The following PITPNM2 variants were observed in gnomAD, a reference collection of about 807,000 sequenced individuals.
PITPNM2 encodes phosphatidylinositol transfer protein membrane associated 2.
In PITPNM2, 35 loss-of-function variants were observed where a neutral mutation model predicts 132.2. The ratio of observed to expected loss-of-function variants is 0.26; its 90% CI spans 0.20 to 0.35. The LOEUF is 0.35. Among genes scored for constraint, PITPNM2 ranks in the 10% least tolerant of loss-of-function variants. The pLI is 1.00. For synonymous variants in PITPNM2, 738 were observed against 799.2 expected, an observed-to-expected ratio of 0.92 and a Z score of 1.29; for missense variants, 1,332 against 1,912.0, an observed-to-expected ratio of 0.70 and a Z score of 5.66.
chr12:123,017,096 C>CA (rs1037007066), intron 3 of PITPNM2, among the ~76,000 whole-genome samples: 3 of 147,812 alleles, frequency 2.0e-5, no homozygotes, highest in African/African-American at 7.5e-5. Context: ...GCAGGGCAGG[C>CA]ATGGTGGCTC....
At chr12:123,124,466 T>C (rs2043097586) in intron 1 of PITPNM2, among the ~76,000 whole-genome samples, 1 of 152,044 alleles carries the variant, frequency 6.6e-6, no homozygotes, top group Non-Finnish European at 1.5e-5. Flanking sequence ...TACATTAATA[T>C]ATACAGAGAA....
At chr12:122,987,929 A>C in intron 20 of PITPNM2, 28 bp from the exon 21 acceptor site, 5 of 1,578,266 alleles carry the variant, frequency 3.2e-6, no homozygotes, top group African/African-American at 1.3e-5. Flanking sequence ...AGCCCAGGTC[A>C]GGGGGTCGGA....
rs148042564 is a variant in PITPNM2, at chr12:123,040,055, G to A, written c.-95-5370C>T. Among the ~76,000 whole-genome samples, 690 of 152,186 alleles carry A rather than the reference G, an allele frequency of 4.5e-3. 2 individuals carry two copies. The highest frequency in any genetic ancestry group is 0.015 in the African/African-American group (615 of 41,496). Reference sequence around the variant, plus strand: ...TGAGGTGGGAGGATCCCTTGAGCCCGGGAGGTGGAGGTTGCAGTGAGCCAA... The same window carrying A: ...TGAGGTGGGAGGATCCCTTGAGCCCAGGAGGTGGAGGTTGCAGTGAGCCAA... On this transcript the variant is annotated intron_variant, in intron 2 of 25. Transcript: ENST00000320201.
intron 3 of PITPNM2, among the ~76,000 whole-genome samples, chr12:123,032,766 G>A (rs192605572): frequency 6.6e-6 from 1 of 152,190 alleles, no homozygotes; most frequent in African/African-American, 2.4e-5. Context: ...TCAGAGATGG[G>A]GGGCTGATTT....
rs1038953470 is a variant in PITPNM2 at position 123,111,862 on chromosome 12, C to T, written c.-199-1374G>A. 6.6e-6 allele frequency among the ~76,000 whole-genome samples: 1 copy of T among 152,244 alleles called. No individual in the cohort carries two copies. Among genetic ancestry groups the T allele is most frequent in the African/African-American group, 2.4e-5 (1 of 41,462 alleles). On this transcript the variant is annotated intron_variant, in intron 1 of 25. Transcript: ENST00000320201. The surrounding 1 kb of genome is among the most constrained non-coding windows in gnomAD (Gnocchi z 4.1). ...GGCCTTCCAGCCTTGCCTCTACATG[C>T]CACCGTAGGCCACAGTTGAGGCCAG... is the stretch of plus-strand genomic sequence containing the variant.
chr12:123,079,756 T>G (rs945231019), intron 2 of PITPNM2, among the ~76,000 whole-genome samples: 7 of 152,202 alleles, frequency 4.6e-5, no homozygotes, highest in African/African-American at 1.7e-4. Flanking sequence ...TTCTTCTCAC[T>G]TTTTTTATTG....
At chr12:123,056,092 T>C (rs1468421056) in intron 2 of PITPNM2, among the ~76,000 whole-genome samples, 3 of 152,186 alleles carry the variant, frequency 2.0e-5, no homozygotes, top group Admixed American at 6.5e-5. Context: ...CCAAGCCCAG[T>C]TGGGCTTCCT....
At chr12:123,054,022 C>A (rs1425978066) in intron 2 of PITPNM2, among the ~76,000 whole-genome samples, 2 of 152,148 alleles carry the variant, frequency 1.3e-5, no homozygotes, top group East Asian at 3.8e-4. Flanking sequence ...TAATAAAACA[C>A]CTATCCTGGA....
intron 3 of PITPNM2, among the ~76,000 whole-genome samples, chr12:123,032,651 G>A (rs897158847): frequency 6.6e-6 from 1 of 152,170 alleles, no homozygotes; most frequent in Non-Finnish European, 1.5e-5. Flanking sequence ...GGCTCCTGTG[G>A]TCTGGGTTCA....
chr12:123,028,119 C>A (rs943379570), intron 3 of PITPNM2, among the ~76,000 whole-genome samples: 1 of 152,174 alleles, frequency 6.6e-6, no homozygotes, highest in Non-Finnish European at 1.5e-5. Context: ...ACCAAGAAAC[C>A]CCTGAAAGCA....
chr12:122,996,786 G>C lies in PITPNM2; in HGVS notation c.1597C>G (p.Gln533Glu). 2 of 1,610,630 alleles carry C rather than the reference G, an allele frequency of 1.2e-6. No individual in the cohort carries two copies. Among genetic ancestry groups the C allele is most frequent in the Non-Finnish European group, 1.7e-6 (2 of 1,179,156 alleles). Reference protein sequence around the residue: ...QYQEAVATVIQRANLAYGDFI... With the variant: ...QYQEAVATVIERANLAYGDFI... ...TCCCCATAGGCAAGGTTGGCTCGCT[G>C]AATCACTGTGGCAACTGCCTCCTGG... Residue 533 changes from glutamine to glutamate, a missense_variant, in exon 12 of 26, where the codon CAG (glutamine) becomes GAG (glutamate). By Grantham distance (29) the Gln-to-Glu change is conservative (BLOSUM62 2). Around this residue, in one of 6 missense-constraint regions of PITPNM2, gnomAD observed 710 missense variants for 911.5 expected, o/e 0.78. Transcript: ENST00000320201.
chr12:123,124,518 A>G (rs1164881967), intron 1 of PITPNM2, among the ~76,000 whole-genome samples: 1 of 152,176 alleles, frequency 6.6e-6, no homozygotes, highest in Non-Finnish European at 1.5e-5. Context: ...AGCAACCATC[A>G]CTGTCTCTGG....
Position 122,984,417 on chromosome 12 carries a change from T to A in PITPNM2, c.*1610A>T, listed in dbSNP as rs2037852013. The stretch of plus-strand genomic sequence containing the variant: ...AGATATTGCACTTTCACTGCAACAG[T>A]TACATGAAAACTTGGTCCATAAAAT... On this transcript the variant is annotated 3_prime_UTR_variant, in exon 26 of 26. Transcript: ENST00000320201. 6.6e-6 allele frequency: 1 copy of A among 152,644 alleles called. No homozygotes were observed. The highest frequency in any genetic ancestry group is 2.4e-5 in the African/African-American group (1 of 41,462). 9.5% of individuals were successfully genotyped at this position (152,644 alleles called of 1,614,324 possible). A position where few individuals can be genotyped will look rare whatever the true frequency, so the allele number is the denominator to read the frequency against.
intron 2 of PITPNM2, among the ~76,000 whole-genome samples, chr12:123,074,336 G>C (rs1039140065): frequency 2.0e-5 from 3 of 152,128 alleles, no homozygotes; most frequent in African/African-American, 7.2e-5. Flanking sequence ...GCAGAAAATG[G>C]GAGAAGCAGA....
intron 3 of PITPNM2, chr12:123,034,217 T>C (rs1052465501): frequency 1.1e-5 from 4 of 363,600 alleles, no homozygotes; most frequent in South Asian, 8.7e-5. Flanking sequence ...TAGGAAAACA[T>C]AGGGATAACG....
Position 123,004,585 on chromosome 12 carries a change from C to T in PITPNM2, c.953-96G>A, listed in dbSNP as rs774584498. The stretch of plus-strand genomic sequence containing the variant: ...GAGGCAGGGAGGGCCACCCACAGGC[C>T]TGACAGGCATCACAGAGGCTGCCAC... On this transcript the variant is annotated intron_variant, in intron 7 of 25. Transcript: ENST00000320201. This position sits in a 1 kb window ranked among gnomAD's most constrained non-coding sequence, Gnocchi z 4.9. 4.4e-6 allele frequency: 5 copies of T among 1,144,698 alleles called. No homozygotes were observed. The highest frequency in any genetic ancestry group is 6.5e-6 in the Non-Finnish European group (5 of 766,350). The allele number at this position is 1,144,698 out of a possible 1,614,324, so 70.9% of individuals were successfully genotyped here.
chr12:123,079,723 A>C (rs2041902253), intron 2 of PITPNM2, among the ~76,000 whole-genome samples: 1 of 152,216 alleles, frequency 6.6e-6, no homozygotes, highest in Non-Finnish European at 1.5e-5. Context: ...ACATCCATAT[A>C]TTCACCATCT....
chr12:123,127,905 A>G (rs56347904), intron 1 of PITPNM2, among the ~76,000 whole-genome samples: 3,624 of 152,006 alleles, frequency 0.024, 58 homozygotes, highest in South Asian at 0.045. Flanking sequence ...CACCGCGCCC[A>G]GCCTGCCTCT....
At position 123,058,389 on chromosome 12, in the gene PITPNM2, T is replaced by G. The variant is rs2041114594; in HGVS notation, c.-95-23704A>C. Among the ~76,000 whole-genome samples the G allele has an allele frequency of 1.3e-5, 2 of 152,230 alleles. No individual in the cohort carries two copies. Among genetic ancestry groups the G allele is most frequent in the Non-Finnish European group, 2.9e-5 (2 of 68,036 alleles). On this transcript the variant is annotated intron_variant, in intron 2 of 25. Transcript: ENST00000320201. This position sits in a 1 kb window ranked among gnomAD's most constrained non-coding sequence, Gnocchi z 4.0. ...TCCCTGGGTGTCAGAGACAGCCTTC[T>G]AATTGGCCTCTATGTTTCCAGTTTG...
Sources: gnomAD v4.1 joint callset for allele counts (sites outside exome capture counted in the v4.1 genomes callset) on GRCh38, gnomAD v4.1.1 for gene constraint, gnomAD v4.1.1 regional missense constraint, Gnocchi (gnomAD v3.1) non-coding constraint, MANE v1.5 for transcripts, NCBI Gene and HGNC (gene_info 2026-07-23, HGNC 2026-07-21) for gene names.